The following SHISA9 variants were observed in gnomAD, a reference collection of about 807,000 sequenced individuals.
The protein encoded by SHISA9 is shisa family member 9, also known as protein shisa-9.
A neutral mutation model predicts 38.0 loss-of-function variants in SHISA9; 13 were observed. The observed-to-expected ratio is 0.34, with a 90% CI of 0.22 to 0.54. The LOEUF (loss-of-function observed/expected upper bound fraction) is 0.54. SHISA9 is among the 20% of genes least tolerant of loss of function. The pLI is 0.91. For synonymous variants in SHISA9, 275 were observed against 242.0 expected (o/e 1.14, Z -1.27); for missense variants, 538 against 575.8 (o/e 0.93, Z 0.67).
At chr16:13,359,363 A>C in the SHISA9 span, among the ~76,000 whole-genome samples, 1 of 152,116 alleles carries the variant, frequency 6.6e-6, no homozygotes, top group Non-Finnish European at 1.5e-5. Flanking sequence ...GGCACCTGTA[A>C]TCCCAGGTAC....
chr16:13,354,670 G>T, the SHISA9 span, among the ~76,000 whole-genome samples: 3 of 151,364 alleles, frequency 2.0e-5, no homozygotes, highest in Non-Finnish European at 4.4e-5. Context: ...CACACATGAG[G>T]GCTAGGCTAA....
chr16:13,398,659 T>C, the SHISA9 span, among the ~76,000 whole-genome samples: 106 of 152,090 alleles, frequency 7.0e-4, no homozygotes, highest in African/African-American at 2.4e-3. Flanking sequence ...TACAAGCACC[T>C]GCCACCACGT....
Position 13,123,274 on chromosome 16 carries a change from C to A in SHISA9, c.692-80120C>A, listed in dbSNP as rs190886958. 5.9e-5 allele frequency among the ~76,000 whole-genome samples: 9 copies of A among 152,326 alleles called. No individual in the cohort carries two copies. In the East Asian group the frequency reaches 1.3e-3, roughly 23 times the overall value. On this transcript the variant is annotated intron_variant, in intron 2 of 4. Transcript: ENST00000558583. ...TTTTCTGCTATCTTGGGAAGCGGGGCAGGCAGGAAGAGACTTTGTTATTCA... is the reference window on the plus strand; with the variant it reads ...TTTTCTGCTATCTTGGGAAGCGGGGAAGGCAGGAAGAGACTTTGTTATTCA...
At chr16:13,083,334 C>T (rs1004158142) in intron 2 of SHISA9, among the ~76,000 whole-genome samples, 1 of 152,186 alleles carries the variant, frequency 6.6e-6, no homozygotes, top group African/African-American at 2.4e-5. Flanking sequence ...AGAAGTGCAT[C>T]ATTGTGCGAA....
intron 2 of SHISA9, among the ~76,000 whole-genome samples, chr16:13,017,848 T>C (rs2141860438): frequency 6.6e-6 from 1 of 152,350 alleles, no homozygotes; most frequent in South Asian, 2.1e-4. Flanking sequence ...TACTAGTTCA[T>C]GCATTCAATC....
chr16:13,332,005 A>T, the SHISA9 span: 1 of 152,148 alleles, frequency 6.6e-6, no homozygotes, highest in African/African-American at 2.4e-5. Flanking sequence ...TGGGTTAGAA[A>T]TTAGATGGAG....
the SHISA9 span, among the ~76,000 whole-genome samples, chr16:13,365,687 G>A: frequency 4.6e-5 from 7 of 152,212 alleles, no homozygotes; most frequent in Middle Eastern, 0.017. Flanking sequence ...TCGAACTCCT[G>A]ACCTCAAGTG....
intron 2 of SHISA9, among the ~76,000 whole-genome samples, chr16:13,191,038 AG>A (rs1313954368): frequency 2.6e-5 from 4 of 152,116 alleles, no homozygotes; most frequent in African/African-American, 9.7e-5. Context: ...TGACAAATTC[AG>A]GGTAATTTTG....
chr16:13,254,868 C>T, the SHISA9 span, among the ~76,000 whole-genome samples: 37 of 152,298 alleles, frequency 2.4e-4, 1 homozygote, highest in South Asian at 1.7e-3. Context: ...CCAGAGGCGA[C>T]GTGGTCTTGT....
At chr16:12,919,432 G>T (rs1208197556) in intron 2 of SHISA9, among the ~76,000 whole-genome samples, 1 of 152,202 alleles carries the variant, frequency 6.6e-6, no homozygotes, top group Non-Finnish European at 1.5e-5. Context: ...GGATTCACTA[G>T]TCTCAAGTTA....
intron 2 of SHISA9, among the ~76,000 whole-genome samples, chr16:13,048,940 T>G (rs181352158): frequency 1.3e-3 from 204 of 152,382 alleles, no homozygotes; most frequent in African/African-American, 4.7e-3. Context: ...ACTATTTTAA[T>G]TCTCCTATTA....
chr16:13,329,461 T>C, the SHISA9 span, among the ~76,000 whole-genome samples: 2 of 152,176 alleles, frequency 1.3e-5, no homozygotes, highest in Admixed American at 1.3e-4. Context: ...CTAGGTTGCA[T>C]TGTTGATCCT....
chr16:13,537,126 A>G, the SHISA9 span, among the ~76,000 whole-genome samples: 3 of 152,056 alleles, frequency 2.0e-5, no homozygotes, highest in Admixed American at 6.6e-5. Context: ...TATAATTTAT[A>G]CTAGAAAAAA....
the SHISA9 span, among the ~76,000 whole-genome samples, chr16:13,330,129 G>A: frequency 2.0e-5 from 3 of 152,180 alleles, no homozygotes; most frequent in Non-Finnish European, 4.4e-5. Flanking sequence ...TATGGCCGAG[G>A]GGCCATTCCA....
In SHISA9 at chr16:12,968,096, G is replaced by A. The variant is rs573827437; in HGVS notation, c.691+51281G>A. Among the ~76,000 whole-genome samples, 291 of 149,852 alleles carry A rather than the reference G, an allele frequency of 1.9e-3. 5 individuals are homozygous for A. The highest frequency in any genetic ancestry group is 7.4e-4 in the Non-Finnish European group (50 of 67,582). On this transcript the variant is annotated intron_variant, in intron 2 of 4. Coordinates refer to ENST00000558583, the MANE Select transcript of SHISA9 (RefSeq NM_001145204.3). The stretch of plus-strand genomic sequence containing the variant: ...TCCCAGTTACTTGGGAGGCTGAGGC[G>A]GGAGGATCAGTTGAATCCCAGAGGC...
At chr16:13,177,294 A>C (rs1348076154) in intron 2 of SHISA9, among the ~76,000 whole-genome samples, 5 of 152,338 alleles carry the variant, frequency 3.3e-5, no homozygotes, top group African/African-American at 1.2e-4. Context: ...CTAGCTCAGC[A>C]AATGCTCATC....
the SHISA9 span, among the ~76,000 whole-genome samples, chr16:13,384,007 G>T: frequency 6.6e-6 from 1 of 152,114 alleles, no homozygotes; most frequent in South Asian, 2.1e-4. Flanking sequence ...TTTTTTACAG[G>T]GTGCAGGTGT....
At chr16:13,244,471 T>A (rs1295148309), downstream of SHISA9, among the ~76,000 whole-genome samples, 1 of 152,216 alleles carries the variant, frequency 6.6e-6, no homozygotes, top group Non-Finnish European at 1.5e-5. Flanking sequence ...GTAAATATGT[T>A]TTCTCTTCCT....
chr16:13,461,060 C>G, the SHISA9 span, among the ~76,000 whole-genome samples: 1 of 152,200 alleles, frequency 6.6e-6, no homozygotes, highest in African/African-American at 2.4e-5. Context: ...ATCAACGAGA[C>G]AGTTTTGATT....
Sources: gnomAD v4.1 joint callset for allele counts (sites outside exome capture counted in the v4.1 genomes callset) on GRCh38, gnomAD v4.1.1 for gene constraint, MANE v1.5 for transcripts, NCBI Gene and HGNC (gene_info 2026-07-23, HGNC 2026-07-21) for gene names.